Variants in XPR1 observed in about 807,000 individuals in gnomAD.
The protein encoded by XPR1 is solute carrier family 53 member 1.
XPR1 carries 28 observed loss-of-function variants against 87.5 expected under a neutral mutation model. The observed-to-expected ratio is 0.32, with a 90% CI of 0.24 to 0.44. XPR1 has a LOEUF of 0.44. Among genes scored for constraint, XPR1 ranks in the 20% least tolerant of loss-of-function variants. The pLI, the probability that XPR1 is intolerant of heterozygous loss-of-function variation, is 1.00. For missense variants in XPR1, 559 were observed against 862.3 expected (o/e 0.65, Z 4.41); for synonymous variants, 300 against 306.1 (o/e 0.98, Z 0.21).
At chr1:180,839,790 GGATT>G (rs757302896) in intron 11 of XPR1, among the ~76,000 whole-genome samples, 24 of 152,114 alleles carry the variant, frequency 1.6e-4, no homozygotes, top group Non-Finnish European at 3.5e-4. Context: ...CAAAAGTAGG[GGATT>G]GGGCTTCTGG....
chr1:180,633,396 C>G (rs1654659999), intron 1 of XPR1, among the ~76,000 whole-genome samples: 1 of 152,162 alleles, frequency 6.6e-6, no homozygotes, highest in Non-Finnish European at 1.5e-5. Flanking sequence ...ACACACATAA[C>G]TTAGCTAGAT....
intron 7 of XPR1, among the ~76,000 whole-genome samples, chr1:180,817,660 A>C (rs1205610512): frequency 2.8e-5 from 4 of 140,442 alleles, no homozygotes; most frequent in Admixed American, 2.7e-4. Flanking sequence ...GTAGCTACAT[A>C]CAAGAACATG....
intron 1 of XPR1, among the ~76,000 whole-genome samples, chr1:180,680,264 G>GA (rs1448458409): frequency 7.1e-6 from 1 of 140,344 alleles, no homozygotes; most frequent in Non-Finnish European, 1.5e-5. Context: ...AGGATGCAGA[G>GA]AAAAAAGAAG....
intron 2 of XPR1, among the ~76,000 whole-genome samples, chr1:180,688,041 T>C (rs1410701866): frequency 6.7e-6 from 1 of 148,902 alleles, no homozygotes; most frequent in Non-Finnish European, 1.5e-5. Flanking sequence ...TTATACAGTA[T>C]GTTATTAATT....
intron 11 of XPR1, among the ~76,000 whole-genome samples, chr1:180,861,833 A>G (rs1421707067): frequency 6.6e-6 from 1 of 152,072 alleles, no homozygotes; most frequent in Non-Finnish European, 1.5e-5. Flanking sequence ...CACGGTGTAA[A>G]TACTTCCACT....
chr1:180,701,916 T>C (rs1571741211), intron 2 of XPR1, among the ~76,000 whole-genome samples: 1 of 119,628 alleles, frequency 8.4e-6, no homozygotes, highest in South Asian at 2.7e-4. Context: ...TTTTGAAGGG[T>C]TTTTTGTGTC....
At chr1:180,771,010 C>T (rs1648492583) in intron 2 of XPR1, among the ~76,000 whole-genome samples, 1 of 152,140 alleles carries the variant, frequency 6.6e-6, no homozygotes, top group Non-Finnish European at 1.5e-5. Flanking sequence ...GCATTCTGTG[C>T]CTTCCTATTT....
chr1:180,882,967 G>GTTTTTTTTTTTT (rs1156645233), intron 14 of XPR1, among the ~76,000 whole-genome samples: 4 of 150,542 alleles, frequency 2.7e-5, no homozygotes, highest in African/African-American at 7.4e-5. Context: ...TTGGGGGTTG[G>GTTTTTTTTTTTT]TTGTTTTTTT....
At chr1:180,769,648 G>T (rs959413367) in intron 2 of XPR1, among the ~76,000 whole-genome samples, 1 of 152,086 alleles carries the variant, frequency 6.6e-6, no homozygotes, top group Non-Finnish European at 1.5e-5. Context: ...GTACTCCATT[G>T]TGTATACGTA....
chr1:180,748,236 G>A (rs1212543517), intron 2 of XPR1, among the ~76,000 whole-genome samples: 1 of 151,904 alleles, frequency 6.6e-6, no homozygotes, highest in East Asian at 1.9e-4. Context: ...GCTCACAAGA[G>A]CCAATTGTTA....
At chr1:180,659,936 G>A (rs1228595396) in intron 1 of XPR1, among the ~76,000 whole-genome samples, 1 of 152,140 alleles carries the variant, frequency 6.6e-6, no homozygotes, top group Non-Finnish European at 1.5e-5. Context: ...GTGTGAGTAG[G>A]ATTGGTATTA....
chr1:180,657,941 T>G (rs1655593061), intron 1 of XPR1, among the ~76,000 whole-genome samples: 1 of 152,190 alleles, frequency 6.6e-6, no homozygotes, highest in African/African-American at 2.4e-5. Flanking sequence ...TTCCATTTTT[T>G]GCATGTGTGT....
intron 2 of XPR1, among the ~76,000 whole-genome samples, chr1:180,707,485 A>T (rs1235565155): frequency 6.6e-6 from 1 of 152,254 alleles, no homozygotes; most frequent in Non-Finnish European, 1.5e-5. Context: ...TTTTCAAGTT[A>T]TACCTGTCCC....
intron 1 of XPR1, among the ~76,000 whole-genome samples, chr1:180,670,045 A>G (rs192166187): frequency 6.6e-5 from 10 of 152,086 alleles, no homozygotes; most frequent in Admixed American, 3.3e-4. Flanking sequence ...GTGTCTTTTA[A>G]GTTTTTCTTA....
intron 2 of XPR1, among the ~76,000 whole-genome samples, chr1:180,783,671 T>TA (rs1649029205): frequency 1.3e-5 from 2 of 152,102 alleles, no homozygotes; most frequent in South Asian, 4.1e-4. Context: ...TGTATGTATA[T>TA]TATTTTTTAA....
intron 2 of XPR1, among the ~76,000 whole-genome samples, chr1:180,691,770 C>G (rs1432388346): frequency 6.6e-6 from 1 of 152,094 alleles, no homozygotes; most frequent in Non-Finnish European, 1.5e-5. Context: ...ATTATTCATT[C>G]TTATTATACG....
chr1:180,864,115 C>A (rs1020939458), intron 12 of XPR1, among the ~76,000 whole-genome samples: 3 of 152,054 alleles, frequency 2.0e-5, no homozygotes, highest in Admixed American at 2.0e-4. Context: ...AAACTATGTT[C>A]AGATAAGTAA....
At chr1:180,762,581 A>G (rs920132187) in intron 2 of XPR1, among the ~76,000 whole-genome samples, 4 of 152,202 alleles carry the variant, frequency 2.6e-5, no homozygotes, top group African/African-American at 9.6e-5. Context: ...AAATTAAGGG[A>G]ACAGGCTGGC....
chr1:180,883,458 T>C (rs1652906620), intron 14 of XPR1, among the ~76,000 whole-genome samples: 1 of 151,972 alleles, frequency 6.6e-6, no homozygotes, highest in South Asian at 2.1e-4. Context: ...CCTGTAAACC[T>C]AACACTTTGG....
Sources: allele counts gnomAD v4.1 joint callset (sites outside exome capture counted in the v4.1 genomes callset), GRCh38; gene constraint gnomAD v4.1.1; transcripts MANE v1.5; gene names NCBI Gene and HGNC (gene_info 2026-07-23, HGNC 2026-07-21).